Variants in CLSTN2 observed in about 807,000 individuals in gnomAD.
The protein encoded by CLSTN2 is calsyntenin-2.
In CLSTN2, 48 loss-of-function variants were observed where a neutral mutation model predicts 101.2. The observed-to-expected ratio is 0.47, with a 90% confidence interval of 0.38 to 0.60. The LOEUF (loss-of-function observed/expected upper bound fraction) is 0.60. Among genes scored for constraint, CLSTN2 ranks in the 20% least tolerant of loss-of-function variants. The pLI is 0.00. For synonymous variants in CLSTN2, 481 were observed against 463.6 expected, an observed-to-expected ratio of 1.04 and a Z score of -0.48; for missense variants, 1,160 against 1,238.2, an observed-to-expected ratio of 0.94 and a Z score of 0.95.
chr3:140,300,932 T>G (rs1336898118), intron 2 of CLSTN2, among the ~76,000 whole-genome samples: 1 of 152,090 alleles, frequency 6.6e-6, no homozygotes, highest in Admixed American at 6.5e-5. Flanking sequence ...ATAATTGTAA[T>G]CCAAGTCCAA....
intron 1 of CLSTN2, among the ~76,000 whole-genome samples, chr3:140,110,912 T>C (rs2009144994): frequency 6.6e-6 from 1 of 152,218 alleles, no homozygotes; most frequent in African/African-American, 2.4e-5. Context: ...TCAGGCCACT[T>C]TGATTCCAGA....
At chr3:140,513,726 G>C (rs972023037) in intron 8 of CLSTN2, among the ~76,000 whole-genome samples, 2 of 151,132 alleles carry the variant, frequency 1.3e-5, no homozygotes, top group Admixed American at 1.3e-4. Context: ...GCTCTTCTTT[G>C]TACCTCTGGT....
intron 1 of CLSTN2, among the ~76,000 whole-genome samples, chr3:140,032,164 T>A (rs1459866263): frequency 6.6e-6 from 1 of 152,040 alleles, no homozygotes; most frequent in Non-Finnish European, 1.5e-5. Flanking sequence ...TGAACAGACT[T>A]ATTGGGGAGA....
chr3:140,027,456 C>T (rs974996238), intron 1 of CLSTN2, among the ~76,000 whole-genome samples: 4 of 152,140 alleles, frequency 2.6e-5, no homozygotes, highest in East Asian at 1.9e-4. Flanking sequence ...TCCCTTGGAA[C>T]CTTCAGAGGG....
At chr3:140,332,501 G>GT (rs1559841174) in intron 2 of CLSTN2, among the ~76,000 whole-genome samples, 2 of 152,118 alleles carry the variant, frequency 1.3e-5, no homozygotes, top group East Asian at 1.9e-4. Flanking sequence ...ACATTTACCT[G>GT]TTTTTTTATA....
chr3:139,984,807 T>G (rs983746824), intron 1 of CLSTN2, among the ~76,000 whole-genome samples: 4 of 152,208 alleles, frequency 2.6e-5, no homozygotes, highest in Admixed American at 2.6e-4. Flanking sequence ...GCCTTGTATC[T>G]CAGATTCCTT....
intron 6 of CLSTN2, chr3:140,454,741 C>G (rs1048465769): frequency 6.6e-6 from 1 of 152,242 alleles, no homozygotes; most frequent in African/African-American, 2.4e-5. Flanking sequence ...TGATCTAAAA[C>G]ATTGTTGATT....
intron 8 of CLSTN2, among the ~76,000 whole-genome samples, chr3:140,520,779 G>A (rs547580434): frequency 6.6e-5 from 10 of 152,226 alleles, no homozygotes; most frequent in South Asian, 2.1e-4. Flanking sequence ...CATTCTCCCC[G>A]TCCCTTTCAG....
At chr3:140,124,660 C>T (rs2107801005) in intron 1 of CLSTN2, among the ~76,000 whole-genome samples, 1 of 152,240 alleles carries the variant, frequency 6.6e-6, no homozygotes, top group East Asian at 1.9e-4. Context: ...TGGGGGCAGC[C>T]ATCAGAGGCC....
intron 1 of CLSTN2, among the ~76,000 whole-genome samples, chr3:139,953,797 C>T (rs1368723072): frequency 6.6e-6 from 1 of 152,182 alleles, no homozygotes; most frequent in Non-Finnish European, 1.5e-5. Context: ...GTCACTTCTC[C>T]ACTCCCCTAC....
At chr3:140,091,428 T>C (rs2008778257) in intron 1 of CLSTN2, among the ~76,000 whole-genome samples, 2 of 152,050 alleles carry the variant, frequency 1.3e-5, no homozygotes, top group Admixed American at 1.3e-4. Flanking sequence ...TGCCAGTGAG[T>C]AGCTGCCTTC....
chr3:140,312,925 C>T (rs909331060), intron 2 of CLSTN2, among the ~76,000 whole-genome samples: 4 of 152,236 alleles, frequency 2.6e-5, no homozygotes, highest in Non-Finnish European at 2.9e-5. Context: ...GGTCTTCGAC[C>T]GAATCCTGAA....
In CLSTN2 at chr3:140,421,164, A is replaced by T; in HGVS notation, c.677A>T (p.Gln226Leu). ...ACTGAGAAGCTGAGCTATGACAAAC[A>T]ACACCAGTATGAGATCCTGGTGACC... ...RNTEKLSYDK[Q>L]HQYEILVTAY... The change falls in exon 5 of 17, where the codon CAA (glutamine) becomes CTA (leucine). Residue 226 changes from glutamine to leucine, a missense_variant. Transcript: ENST00000458420. The T allele has an allele frequency of 6.2e-7, 1 of 1,614,154 alleles. No homozygotes were observed. Among genetic ancestry groups the T allele is most frequent in the Non-Finnish European group, 8.5e-7 (1 of 1,179,988 alleles).
At chr3:139,959,038 G>A (rs933608269) in intron 1 of CLSTN2, among the ~76,000 whole-genome samples, 1 of 151,930 alleles carries the variant, frequency 6.6e-6, no homozygotes, top group African/African-American at 2.4e-5. Context: ...ACAAGAGTGA[G>A]AGGAAGAGAG....
intron 2 of CLSTN2, among the ~76,000 whole-genome samples, chr3:140,378,356 G>A (rs1169209689): frequency 6.6e-6 from 1 of 152,206 alleles, no homozygotes; most frequent in African/African-American, 2.4e-5. Flanking sequence ...GGCTCTAATA[G>A]AGTAAGGGAA....
chr3:140,322,401 G>A (rs1383287099), intron 2 of CLSTN2, among the ~76,000 whole-genome samples: 1 of 152,202 alleles, frequency 6.6e-6, no homozygotes, highest in Non-Finnish European at 1.5e-5. Context: ...CTGCTTAAAG[G>A]ACCTCAGATG....
intron 1 of CLSTN2, among the ~76,000 whole-genome samples, chr3:140,095,181 T>C (rs1271368434): frequency 1.3e-5 from 2 of 152,190 alleles, no homozygotes; most frequent in Non-Finnish European, 2.9e-5. Flanking sequence ...TGCTCATATA[T>C]TAAGGATGTC....
chr3:140,385,539 T>TTTG (rs994908041), intron 2 of CLSTN2, among the ~76,000 whole-genome samples: 20 of 151,640 alleles, frequency 1.3e-4, no homozygotes, highest in African/African-American at 4.1e-4. Context: ...TGGCTAATTT[T>TTTG]TTGTTGTTGT....
At chr3:140,188,416 G>A (rs1216953586) in intron 2 of CLSTN2, among the ~76,000 whole-genome samples, 1 of 152,172 alleles carries the variant, frequency 6.6e-6, no homozygotes, top group African/African-American at 2.4e-5. Context: ...TAAGAAGCAT[G>A]GTGGTAGGGA....
Sources: allele counts gnomAD v4.1 joint callset (sites outside exome capture counted in the v4.1 genomes callset), GRCh38; gene constraint gnomAD v4.1.1; transcripts MANE v1.5; gene names NCBI Gene and HGNC (gene_info 2026-07-23, HGNC 2026-07-21).